Variants in RNF207 observed in about 807,000 individuals in gnomAD.
RNF207 encodes the protein OTTHUMG00000001089.
A neutral mutation model predicts 79.0 loss-of-function variants in RNF207; 72 were observed. That is an observed-to-expected ratio of 0.91 (90% CI 0.75 to 1.11). The LOEUF (loss-of-function observed/expected upper bound fraction) is 1.11, where lower values mean the gene tolerates loss of function less well. RNF207 is among the 50% of genes least tolerant of loss of function. RNF207 has a pLI of 0.00. For missense variants in RNF207, 936 were observed against 855.8 expected (o/e 1.09, Z -1.17); for synonymous variants, 348 against 366.2 (o/e 0.95, Z 0.57).
chr1:6,212,175 A>T, intron 13 of RNF207, 56 bp from the exon 14 acceptor site: 2 of 1,567,828 alleles, frequency 1.3e-6, no homozygotes, highest in Non-Finnish European at 8.7e-7. Context: ...CACCAAGTCC[A>T]TGGCAGTAAA....
At position 6,219,263 on chromosome 1, in the gene RNF207, G is replaced by C; in HGVS notation, c.1761G>C (p.Lys587Asn). The change falls in exon 18 of 18, where the codon AAG (lysine) becomes AAC (asparagine). Residue 587 changes from lysine to asparagine, a missense_variant. Physicochemically the swap from Lys to Asn is moderately conservative, Grantham distance 94. Coordinates refer to ENST00000377939, the MANE Select transcript of RNF207 (RefSeq NM_207396.3). ...ATAATCCAGGAAGTGTCCCGGAAAA[G>C]AGAGAGAAGACATCAGAGCCTAAAG... ...ARNNPGSVPE[K>N]REKTSEPKGN... 1 of 1,612,168 alleles carries C rather than the reference G, an allele frequency of 6.2e-7. No individual in the cohort carries two copies. Among genetic ancestry groups the C allele is most frequent in the South Asian group, 1.1e-5 (1 of 90,846 alleles).
At position 6,206,528 on chromosome 1, in the gene RNF207, C is replaced by T; in HGVS notation, c.1-8C>T. On this transcript the variant is annotated splice_polypyrimidine_tract_variant and splice_region_variant and intron_variant, in intron 1 of 17. Transcript: ENST00000377939. ...TGCCCCAGCCGCCCGCTTGCGCTGT[C>T]GCTGCAGATGTCGGGAGCTATCTTC... 6.4e-7 allele frequency: 1 copy of T among 1,555,482 alleles called. No homozygotes were observed. Among genetic ancestry groups the T allele is most frequent in the South Asian group, 1.2e-5 (1 of 86,740 alleles).
Position 6,211,097 on chromosome 1 carries a change from C to T in RNF207, c.1088C>T (p.Ala363Val). The change falls in exon 12 of 18, where the codon GCT becomes GTT. Residue 363 changes from alanine to valine, a missense_variant. Ala to Val is a moderately conservative substitution (Grantham distance 64). Coordinates refer to ENST00000377939, the MANE Select transcript of RNF207 (RefSeq NM_207396.3). This position sits in a 1 kb window ranked among gnomAD's most constrained non-coding sequence, Gnocchi z 4.2. The stretch of plus-strand genomic sequence containing the variant: ...CTGCTGGGGCCACGTCGGGTGGCAG[C>T]TGCTGCAAGTGGTGCTAACACGTGA... ...LLLLGPRRVA[A>V]AASGANTLAG... 2 of 1,599,358 alleles carry T rather than the reference C, an allele frequency of 1.3e-6. No homozygotes were observed. The highest frequency in any genetic ancestry group is 4.5e-5 in the East Asian group (2 of 44,658).
chr1:6,210,069 C>A, intron 8 of RNF207, 99 bp downstream of exon 8: 1 of 1,358,530 alleles, frequency 7.4e-7, no homozygotes, highest in Non-Finnish European at 1.0e-6. Context: ...AGGAGCAAGA[C>A]ATCCGAATGT....
chr1:6,212,508 T>C, intron 14 of RNF207, 92 bp downstream of exon 14: 1 of 1,352,634 alleles, frequency 7.4e-7, no homozygotes, highest in African/African-American at 1.4e-5. Context: ...GGACCTGGCC[T>C]GTACCCCACG....
In RNF207 at chr1:6,210,880, A is replaced by G; in HGVS notation, c.953A>G (p.Glu318Gly). 1 of 1,601,496 alleles carries G rather than the reference A, an allele frequency of 6.2e-7. No homozygotes were observed. The highest frequency in any genetic ancestry group is 8.5e-7 in the Non-Finnish European group (1 of 1,175,264). Residue 318 changes from glutamate (E) to glycine (G), a missense_variant, in exon 11 of 18, where the codon GAG (glutamate) becomes GGG (glycine). Physicochemically the swap from Glu to Gly is moderately conservative, Grantham distance 98 (BLOSUM62 -2). Coordinates refer to ENST00000377939, the MANE Select transcript of RNF207 (RefSeq NM_207396.3). ...EFLDLGYELM[E>G]RLQGIVTRPH... ...TCCTCACTGCCACAGGAGCTGATGG[A>G]GAGGCTGCAGGGCATCGTCACGCGG...
Position 6,211,899 on chromosome 1 carries a change from C to T in RNF207, c.1142C>T (p.Thr381Met), listed in dbSNP as rs115855253. ...GGGGGCTTAGGCCCCAAGGCGCTGA[C>T]GGGGCCCCACTGCCCCTCCCCAGTA... ...LAGGLGPKAL[T>M]GPHCPSPVGK... is the part of the protein sequence containing the mutation. Residue 381 changes from threonine to methionine, a missense_variant, in exon 13 of 18, where the codon ACG becomes ATG. Thr to Met is a moderately conservative substitution (Grantham distance 81). Coordinates refer to ENST00000377939, the MANE Select transcript of RNF207 (RefSeq NM_207396.3). The surrounding 1 kb of genome is among the most constrained non-coding windows in gnomAD (Gnocchi z 4.2). 9 of 1,549,868 alleles carry T rather than the reference C, an allele frequency of 5.8e-6. No individual in the cohort carries two copies. In the African/African-American group the frequency reaches 6.8e-5, roughly 12 times the overall value.
At position 6,220,708 on chromosome 1, in the gene RNF207, C is replaced by T. The variant is rs1411820827; in HGVS notation, c.*1301C>T. On this transcript the variant is annotated 3_prime_UTR_variant, in exon 18 of 18. Transcript: ENST00000377939. ...ATAGCAAGGCACTGGGTGGCAGCAA[C>T]CTTTTTTCTAGTAGTTTTTTCCCAG... 1 of 152,212 alleles carries T rather than the reference C, an allele frequency of 6.6e-6. No homozygotes were observed. The highest frequency in any genetic ancestry group is 1.5e-5 in the Non-Finnish European group (1 of 68,034). The allele number at this position is 152,212 out of a possible 1,614,324, so 9.4% of individuals were successfully genotyped here.
chr1:6,213,216 A>T, intron 16 of RNF207, 33 bp downstream of exon 16: 1 of 1,387,240 alleles, frequency 7.2e-7, no homozygotes, highest in Non-Finnish European at 1.0e-6. Context: ...AGGGCCACTG[A>T]GACTCTTCAG....
rs1668205005 is a variant in RNF207, at chr1:6,212,255, C to G, written c.1321C>G (p.Leu441Val). The G allele has an allele frequency of 1.2e-6, 2 of 1,613,396 alleles. No homozygotes were observed. Among genetic ancestry groups the G allele is most frequent in the East Asian group, 2.2e-5 (1 of 44,892 alleles). ...YRHLQAEMQS[L>V]KDQVQELHRD... The stretch of plus-strand genomic sequence containing the variant: ...GCACCTGCAGGCAGAGATGCAGAGC[C>G]TAAAGGACCAGGTACAGGAGCTGCA... The change falls in exon 14 of 18, where the codon CTA becomes GTA. Residue 441 changes from leucine (L) to valine (V), a missense_variant. Transcript: ENST00000377939.
chr1:6,213,900 A>G (rs920753299), intron 16 of RNF207, among the ~76,000 whole-genome samples: 6 of 152,196 alleles, frequency 3.9e-5, no homozygotes, highest in African/African-American at 1.2e-4. Flanking sequence ...ACTGGGCCCC[A>G]GGATAGACTG....
rs778769401 is a variant in RNF207 at position 6,210,937 on chromosome 1, A to G, written c.1010A>G (p.Lys337Arg). ...CACCTAAGGCCTATTCAGAGCAGCA[A>G]GGTGTGCAGTGGCCTGGGTGGGCCA... ...PHHLRPIQSS[K>R]IASDHRAEFA... Residue 337 changes from lysine to arginine, a missense_variant and splice_region_variant, in exon 11 of 18, where the codon AAG (lysine) becomes AGG (arginine). Physicochemically the swap from Lys to Arg is conservative, Grantham distance 26. Coordinates refer to ENST00000377939, the MANE Select transcript of RNF207 (RefSeq NM_207396.3). 16 of 1,605,476 alleles carry G rather than the reference A, an allele frequency of 1.0e-5. No individual in the cohort carries two copies. Among genetic ancestry groups the G allele is most frequent in the Non-Finnish European group, 1.4e-5 (16 of 1,176,718 alleles).
Position 6,209,553 on chromosome 1 carries a change from G to T in RNF207, c.753+14G>T, listed in dbSNP as rs372980056. 90 of 1,447,282 alleles carry T rather than the reference G, an allele frequency of 6.2e-5. No homozygotes were observed. Among genetic ancestry groups the T allele is most frequent in the Non-Finnish European group, 7.9e-5 (88 of 1,109,570 alleles). 89.7% of individuals were successfully genotyped at this position (1,447,282 alleles called of 1,614,324 possible). A position where few individuals can be genotyped will look rare whatever the true frequency, so the allele number is the denominator to read the frequency against. ...GGCAGCATGCAGGTGAGGGGTGGGG[G>T]TTGGGGGATAAACGACCCAGCCGGG... On this transcript the variant is annotated intron_variant, in intron 7 of 17. Coordinates refer to ENST00000377939, the MANE Select transcript of RNF207 (RefSeq NM_207396.3).
intron 16 of RNF207, among the ~76,000 whole-genome samples, chr1:6,218,051 G>C (rs1218802896): frequency 6.6e-6 from 1 of 152,248 alleles, no homozygotes; most frequent in Non-Finnish European, 1.5e-5. Flanking sequence ...CTCCCTCAGC[G>C]TGTCTGGCCC....
At chr1:6,218,434 A>G in intron 17 of RNF207, 65 bp downstream of exon 17, 1 of 1,237,288 alleles carries the variant, frequency 8.1e-7, no homozygotes. Context: ...ACAGGACGAC[A>G]AAGGAAACTC....
At position 6,209,978 on chromosome 1, in the gene RNF207, G is replaced by A. The variant is rs561026366; in HGVS notation, c.800+8G>A. ...GCTGCAGGCTGTGCAGAGGTGAGTT[G>A]GGGGGAGCGGGGCTTGCTTCCCTTA... is the stretch of plus-strand genomic sequence containing the variant. On this transcript the variant is annotated splice_region_variant and intron_variant, in intron 8 of 17. Coordinates refer to ENST00000377939, the MANE Select transcript of RNF207 (RefSeq NM_207396.3). The A allele has an allele frequency of 1.9e-6, 3 of 1,578,792 alleles. No individual in the cohort carries two copies. The highest frequency in any genetic ancestry group is 3.6e-5 in the Admixed American group (2 of 55,026).
Position 6,206,251 on chromosome 1 carries a change from G to C in RNF207, c.-52G>C, listed in dbSNP as rs1471544279. On this transcript the variant is annotated 5_prime_UTR_variant, in exon 1 of 18. Coordinates refer to ENST00000377939, the MANE Select transcript of RNF207 (RefSeq NM_207396.3). ...CGGAGCCGCACTAAGAGCGCTGGAC[G>C]GCGGGAGAGAGGCTCGGAGGACCGG... The C allele has an allele frequency of 1.8e-5, 7 of 392,514 alleles. No homozygotes were observed. Among genetic ancestry groups the C allele is most frequent in the Admixed American group, 9.0e-5 (2 of 22,324 alleles). The allele number at this position is 392,514 out of a possible 1,614,324, so 24.3% of individuals were successfully genotyped here. A position where few individuals can be genotyped will look rare whatever the true frequency, so the allele number is the denominator to read the frequency against.
At position 6,212,076 on chromosome 1, in the gene RNF207, G is replaced by T. The variant is rs973380382; in HGVS notation, c.1296+23G>T. The T allele has an allele frequency of 7.5e-5, 116 of 1,555,016 alleles. 1 individual carries two copies. The Middle Eastern group carries it at 3.9e-3, about 52-fold the overall frequency. On this transcript the variant is annotated intron_variant, in intron 13 of 17. Coordinates refer to ENST00000377939, the MANE Select transcript of RNF207 (RefSeq NM_207396.3). ...CGGGTGAGGGGGCAGGGATCTGCCG[G>T]AGGGGGGAGATGTCCTAACCCACTC...
In RNF207 at chr1:6,210,216, C is replaced by A; in HGVS notation, c.801-7C>A. ...CCCCTGGAAACCAGGCAGCCCCCCT[C>A]CCCCAGCCAATACGAAGAGAAGGAC... On this transcript the variant is annotated splice_region_variant and splice_polypyrimidine_tract_variant and intron_variant, in intron 8 of 17. Transcript: ENST00000377939. 6.2e-7 allele frequency: 1 copy of A among 1,612,440 alleles called. No individual in the cohort carries two copies.
Sources: allele counts gnomAD v4.1 joint callset (sites outside exome capture counted in the v4.1 genomes callset), GRCh38; gene constraint gnomAD v4.1.1; non-coding constraint Gnocchi (gnomAD v3.1); transcripts MANE v1.5; gene names NCBI Gene and HGNC (gene_info 2026-07-23, HGNC 2026-07-21).